PRIMA1: variants seen among roughly 807,000 people sequenced by gnomAD.
PRIMA1 encodes proline-rich membrane anchor 1.
PRIMA1 carries 7 observed loss-of-function variants against 17.5 expected under a neutral mutation model. The ratio of observed to expected loss-of-function variants is 0.40; its 90% CI spans 0.23 to 0.75. The LOEUF is 0.75. PRIMA1 is among the 30% of genes least tolerant of loss of function. The pLI is 0.37. For synonymous variants in PRIMA1, 97 were observed against 77.9 expected (o/e 1.25, Z -1.29); for missense variants, 200 against 201.8 (o/e 0.99, Z 0.05).
chr14:93,762,601 G>A (rs889155918), intron 3 of PRIMA1, among the ~76,000 whole-genome samples: 2 of 151,950 alleles, frequency 1.3e-5, no homozygotes, highest in East Asian at 1.9e-4. Flanking sequence ...GCTGTCACCT[G>A]TCCCCCAAGT....
At chr14:93,774,154 A>C (rs546652565) in intron 3 of PRIMA1, among the ~76,000 whole-genome samples, 5 of 152,188 alleles carry the variant, frequency 3.3e-5, no homozygotes, top group African/African-American at 1.2e-4. Flanking sequence ...AAATAAAGAT[A>C]ACAAAAAACA....
At chr14:93,738,100 C>T (rs763572503) in intron 3 of PRIMA1, among the ~76,000 whole-genome samples, 17 of 152,196 alleles carry the variant, frequency 1.1e-4, no homozygotes, top group Non-Finnish European at 1.6e-4. Context: ...GCCGCTGTCT[C>T]AGTTTGCACG....
chr14:93,787,902 C>T, intron 1 of PRIMA1, 153 bp from the exon 2 acceptor site: 1 of 787,610 alleles, frequency 1.3e-6, no homozygotes, highest in Non-Finnish European at 2.0e-6. Context: ...CCAGCTTACA[C>T]CTTCACTGAC....
At position 93,720,085 on chromosome 14, in the gene PRIMA1, G is replaced by A. The variant is rs141407534; in HGVS notation, c.*1359C>T. The A allele has an allele frequency of 6.6e-6, 1 of 152,442 alleles. No individual in the cohort carries two copies. Among genetic ancestry groups the A allele is most frequent in the East Asian group, 1.9e-4 (1 of 5,184 alleles). The allele number at this position is 152,442 out of a possible 1,614,324, so 9.4% of individuals were successfully genotyped here. A position where few individuals can be genotyped will look rare whatever the true frequency, so the allele number is the denominator to read the frequency against. On this transcript the variant is annotated 3_prime_UTR_variant, in exon 5 of 5. Coordinates refer to ENST00000393140, the MANE Select transcript of PRIMA1 (RefSeq NM_178013.4). ...TTTAGGAGGCAAACCAGGTCTTAGA[G>A]GGCTCGACAGTGGAACCATTCAATG...
At chr14:93,766,682 T>C (rs147917290) in intron 3 of PRIMA1, among the ~76,000 whole-genome samples, 1 of 152,244 alleles carries the variant, frequency 6.6e-6, no homozygotes, top group East Asian at 1.9e-4. Context: ...TTGCAGACGC[T>C]CCTCAGCCCT....
chr14:93,783,664 CT>C (rs1240052500), intron 2 of PRIMA1, among the ~76,000 whole-genome samples: 6 of 152,236 alleles, frequency 3.9e-5, no homozygotes, highest in Admixed American at 6.5e-5. Context: ...GGTTTCAGTA[CT>C]TCCTGGGACC....
intron 3 of PRIMA1, among the ~76,000 whole-genome samples, chr14:93,761,513 T>C (rs1016688348): frequency 1.3e-5 from 2 of 152,200 alleles, no homozygotes; most frequent in African/African-American, 4.8e-5. Flanking sequence ...ACCCTGATGG[T>C]TGTACCACAG....
At chr14:93,724,375 A>G (rs1266763714) in intron 4 of PRIMA1, among the ~76,000 whole-genome samples, 1 of 152,244 alleles carries the variant, frequency 6.6e-6, no homozygotes, top group Non-Finnish European at 1.5e-5. Flanking sequence ...CTGGGTTTAC[A>G]GGCCTCAGCT....
intron 4 of PRIMA1, among the ~76,000 whole-genome samples, chr14:93,727,099 G>C (rs1044502193): frequency 1.3e-5 from 2 of 152,286 alleles, no homozygotes; most frequent in East Asian, 1.9e-4. Context: ...TCGCCCAGGG[G>C]GGTGGGAGAC....
At chr14:93,783,153 A>T (rs933451250) in intron 2 of PRIMA1, among the ~76,000 whole-genome samples, 1 of 152,172 alleles carries the variant, frequency 6.6e-6, no homozygotes, top group Admixed American at 6.5e-5. Context: ...CTAAGTTGTG[A>T]GTGTCTTAGG....
At chr14:93,728,547 G>GC (rs2076094197) in intron 4 of PRIMA1, among the ~76,000 whole-genome samples, 1 of 152,126 alleles carries the variant, frequency 6.6e-6, no homozygotes, top group Non-Finnish European at 1.5e-5. Context: ...CAAGGTGTCT[G>GC]GGTCTTATCC....
At chr14:93,731,380 T>C (rs2076113689) in intron 4 of PRIMA1, among the ~76,000 whole-genome samples, 1 of 138,094 alleles carries the variant, frequency 7.2e-6, no homozygotes, top group Non-Finnish European at 1.6e-5. Context: ...TTGAAAGTGG[T>C]TGCCTCTCAA....
At chr14:93,779,961 C>T (rs1885332363) in intron 2 of PRIMA1, among the ~76,000 whole-genome samples, 1 of 152,228 alleles carries the variant, frequency 6.6e-6, no homozygotes, top group African/African-American at 2.4e-5. Context: ...CCACCTCCAT[C>T]CCCCCAGAAA....
chr14:93,748,088 G>T lies in PRIMA1; in HGVS notation c.230-10718C>A, dbSNP rs147652226. The stretch of plus-strand genomic sequence containing the variant: ...TGTGAATGTGTATGTGTGTGAGTGC[G>T]TATGAGTGTGTGAATGTGTATGTGT... On this transcript the variant is annotated intron_variant, in intron 3 of 4. Transcript: ENST00000393140. Among the ~76,000 whole-genome samples the T allele has an allele frequency of 2.1e-3, 312 of 152,008 alleles. 1 individual carries two copies. The highest frequency in any genetic ancestry group is 3.6e-3 in the Non-Finnish European group (244 of 67,918).
Position 93,779,239 on chromosome 14 carries a change from G to GGGGGC in PRIMA1, c.165_166insGCCCC (p.Pro56AlafsTer41). ...GGCGGCGGGGGCAGCGGGGGAGGGG[G>GGGGGC]CCGGCACTGGCAGACGTGTCGGCAG... On this transcript the variant is annotated frameshift_variant, in exon 3 of 5. Transcript: ENST00000393140. LOFTEE classifies it high-confidence loss of function. 1 of 1,462,256 alleles carries GGGGGC rather than the reference G, an allele frequency of 6.8e-7. No homozygotes were observed. The highest frequency in any genetic ancestry group is 9.2e-7 in the Non-Finnish European group (1 of 1,090,712). The allele number at this position is 1,462,256 out of a possible 1,614,324, so 90.6% of individuals were successfully genotyped here.
Position 93,779,243 on chromosome 14 carries a change from G to A in PRIMA1, c.162C>T (p.Cys54=), listed in dbSNP as rs764100613. ...GCGGGGGCAGCGGGGGAGGGGGCCG[G>A]CACTGGCAGACGTGTCGGCAGCTGT... ...VTDSCRHVCQ[C]RPPPPLPPPP... Residue 54 remains cysteine (C), a synonymous_variant, in exon 3 of 5, where the codon TGC becomes TGT. Transcript: ENST00000393140. 3 of 1,519,002 alleles carry A rather than the reference G, an allele frequency of 2.0e-6. No homozygotes were observed. Among genetic ancestry groups the A allele is most frequent in the Non-Finnish European group, 2.6e-6 (3 of 1,138,494 alleles). 94.1% of individuals were successfully genotyped at this position (1,519,002 alleles called of 1,614,324 possible).
intron 4 of PRIMA1, among the ~76,000 whole-genome samples, chr14:93,733,263 T>C (rs2076127210): frequency 6.6e-6 from 1 of 152,178 alleles, no homozygotes; most frequent in Non-Finnish European, 1.5e-5. Flanking sequence ...AAGGTGCCCC[T>C]CCTCTGAACA....
chr14:93,734,913 G>GC, intron 4 of PRIMA1, among the ~76,000 whole-genome samples: 1 of 152,240 alleles, frequency 6.6e-6, no homozygotes, highest in Admixed American at 6.5e-5. Flanking sequence ...CTGAGATGAC[G>GC]CCCCTCACAC....
intron 2 of PRIMA1, 38 bp downstream of exon 2, chr14:93,787,588 G>A: frequency 2.0e-6 from 3 of 1,537,624 alleles, no homozygotes; most frequent in Non-Finnish European, 1.7e-6. Context: ...CCTTACCCAG[G>A]AGGCCCTCCC....
Sources: gnomAD v4.1 joint callset for allele counts (sites outside exome capture counted in the v4.1 genomes callset) on GRCh38, gnomAD v4.1.1 for gene constraint, MANE v1.5 for transcripts, NCBI Gene and HGNC (gene_info 2026-07-23, HGNC 2026-07-21) for gene names.